BCAS3: variants seen among roughly 807,000 people sequenced by gnomAD.
The protein encoded by BCAS3 is BCAS3 microtubule associated cell migration factor.
In BCAS3, 53 loss-of-function variants were observed where a neutral mutation model predicts 116.1. The observed-to-expected ratio is 0.46, with a 90% CI of 0.37 to 0.57. The LOEUF (loss-of-function observed/expected upper bound fraction) is 0.57, where lower values mean the gene tolerates loss of function less well. Ranked by LOEUF, BCAS3 falls within the 20% of genes least tolerant of loss-of-function variation. The pLI is 0.00. For synonymous variants in BCAS3, 391 were observed against 408.2 expected, an observed-to-expected ratio of 0.96 and a Z score of 0.51; for missense variants, 917 against 1,165.4, an observed-to-expected ratio of 0.79 and a Z score of 3.10.
At chr17:60,773,740 C>A (rs2044984461) in intron 6 of BCAS3, among the ~76,000 whole-genome samples, 1 of 152,168 alleles carries the variant, frequency 6.6e-6, no homozygotes, top group Non-Finnish European at 1.5e-5. Context: ...CTCTGCCTCC[C>A]AGGGTCACGT....
In BCAS3 at chr17:61,273,589, C is replaced by G. The variant is rs762506860; in HGVS notation, c.2426-94738C>G. ...TTATAGTTTGTTGAGTTTCTTGGTT[C>G]TATGAGTTTATCATTTTTATCAAAT... On this transcript the variant is annotated intron_variant, in intron 22 of 23. Transcript: ENST00000407086. Among the ~76,000 whole-genome samples, 14 of 151,796 alleles carry G rather than the reference C, an allele frequency of 9.2e-5. 1 individual carries two copies. Among genetic ancestry groups the G allele is most frequent in the East Asian group, 3.9e-4 (2 of 5,178 alleles).
At chr17:60,892,040 A>G (rs547318907) in intron 10 of BCAS3, among the ~76,000 whole-genome samples, 6 of 152,278 alleles carry the variant, frequency 3.9e-5, no homozygotes, top group South Asian at 2.1e-4. Context: ...TCTTTATTCA[A>G]ATAATCAGCT....
chr17:60,682,768 C>T (rs1268716724), intron 2 of BCAS3, among the ~76,000 whole-genome samples: 13 of 152,132 alleles, frequency 8.5e-5, no homozygotes, highest in South Asian at 2.1e-4. Context: ...GTGATCCACT[C>T]GCCTCGGCCT....
intron 22 of BCAS3, among the ~76,000 whole-genome samples, chr17:61,142,861 TAATAA>T (rs1383917929): frequency 2.0e-5 from 3 of 152,214 alleles, no homozygotes; most frequent in African/African-American, 7.2e-5. Context: ...AAATTCTCCA[TAATAA>T]AATGTTTTTA....
rs1449242716 is a variant in BCAS3 at position 61,259,230 on chromosome 17, T to A, written c.2426-109097T>A. 6.6e-6 allele frequency among the ~76,000 whole-genome samples: 1 copy of A among 152,204 alleles called. No homozygotes were observed. Among genetic ancestry groups the A allele is most frequent in the East Asian group, 1.9e-4 (1 of 5,200 alleles). On this transcript the variant is annotated intron_variant, in intron 22 of 23. Transcript: ENST00000407086. This position sits in a 1 kb window ranked among gnomAD's most constrained non-coding sequence, Gnocchi z 4.7. The stretch of plus-strand genomic sequence containing the variant: ...CATTACTTGTATTTACATTTTTATT[T>A]TGAAAGAGCATGGGGAGTGTAAGCA...
intron 22 of BCAS3, among the ~76,000 whole-genome samples, chr17:61,280,923 C>T (rs2051188163): frequency 6.6e-6 from 1 of 152,188 alleles, no homozygotes; most frequent in Non-Finnish European, 1.5e-5. Context: ...TGTATTCCCG[C>T]AGTATCTAAG....
intron 19 of BCAS3, among the ~76,000 whole-genome samples, chr17:61,067,587 G>A (rs949354391): frequency 6.0e-5 from 9 of 149,766 alleles, no homozygotes; most frequent in African/African-American, 1.7e-4. Context: ...TGTGTGGTGC[G>A]CACCTGTAAT....
At chr17:60,925,778 G>T (rs1242510950) in intron 13 of BCAS3, among the ~76,000 whole-genome samples, 1 of 151,932 alleles carries the variant, frequency 6.6e-6, no homozygotes, top group East Asian at 1.9e-4. Context: ...ACTTCCAGTG[G>T]TAGGAAACAA....
intron 4 of BCAS3, among the ~76,000 whole-genome samples, chr17:60,702,265 G>C (rs186889385): frequency 6.6e-6 from 1 of 152,178 alleles, no homozygotes; most frequent in South Asian, 2.1e-4. Flanking sequence ...CAAGAATTGC[G>C]AGTATTCGCT....
intron 10 of BCAS3, chr17:60,900,270 C>T (rs956794496): frequency 6.6e-6 from 1 of 151,942 alleles, no homozygotes; most frequent in East Asian, 1.9e-4. Flanking sequence ...GTGTATAGGA[C>T]CCAGTACAAG....
chr17:61,140,837 T>A lies in BCAS3; in HGVS notation c.2425+56273T>A, dbSNP rs1051649147. On this transcript the variant is annotated intron_variant, in intron 22 of 23. Transcript: ENST00000407086. The surrounding 1 kb of genome is among the most constrained non-coding windows in gnomAD (Gnocchi z 4.2). ...ACATTACAGATTGTAATGTAGTGGA[T>A]TGATGGTACATGATTTAAGGGAAAT... Among the ~76,000 whole-genome samples the A allele has an allele frequency of 5.9e-5, 9 of 152,202 alleles. 1 individual carries two copies. Among genetic ancestry groups the A allele is most frequent in the South Asian group, 2.1e-4 (1 of 4,822 alleles).
chr17:61,176,276 A>G (rs1055420098), intron 22 of BCAS3, among the ~76,000 whole-genome samples: 1 of 149,222 alleles, frequency 6.7e-6, no homozygotes, highest in Admixed American at 6.7e-5. Flanking sequence ...TATATTATAT[A>G]TGTATTTAAT....
intron 7 of BCAS3, among the ~76,000 whole-genome samples, chr17:60,863,933 G>A (rs754688365): frequency 6.6e-6 from 1 of 152,106 alleles, no homozygotes; most frequent in African/African-American, 2.4e-5. Flanking sequence ...CCCCTTACGG[G>A]GCTCTTTCCT....
chr17:61,038,737 C>T (rs2067264237), intron 18 of BCAS3, among the ~76,000 whole-genome samples: 1 of 143,122 alleles, frequency 7.0e-6, no homozygotes, highest in Non-Finnish European at 1.5e-5. Flanking sequence ...GGCACGATCT[C>T]AGCTCACTGC....
At chr17:60,844,199 A>T (rs1455231280) in intron 7 of BCAS3, among the ~76,000 whole-genome samples, 1 of 151,960 alleles carries the variant, frequency 6.6e-6, no homozygotes. Context: ...CGAACTCCTG[A>T]CCTCAGCTGA....
At chr17:60,879,923 T>A (rs1418100960) in intron 9 of BCAS3, among the ~76,000 whole-genome samples, 1 of 152,202 alleles carries the variant, frequency 6.6e-6, no homozygotes, top group Non-Finnish European at 1.5e-5. Context: ...TTAGTGTGAG[T>A]TCTAAGTTCA....
intron 5 of BCAS3, among the ~76,000 whole-genome samples, chr17:60,718,817 T>C (rs1015004950): frequency 3.9e-5 from 6 of 152,194 alleles, no homozygotes; most frequent in African/African-American, 1.4e-4. Flanking sequence ...ATCTCAGCAC[T>C]TTGGGAGGCC....
At chr17:60,843,374 G>A (rs1418159765) in intron 7 of BCAS3, among the ~76,000 whole-genome samples, 3 of 151,496 alleles carry the variant, frequency 2.0e-5, no homozygotes, top group East Asian at 1.9e-4. Flanking sequence ...ACACCACCAC[G>A]CCTGAGCTAA....
chr17:61,022,800 C>T (rs556969377), intron 16 of BCAS3, among the ~76,000 whole-genome samples: 1 of 152,108 alleles, frequency 6.6e-6, no homozygotes, highest in East Asian at 1.9e-4. Context: ...TCACCGCACC[C>T]GGCTGATTTT....
Sources: gnomAD v4.1 joint callset for allele counts (sites outside exome capture counted in the v4.1 genomes callset) on GRCh38, gnomAD v4.1.1 for gene constraint, Gnocchi (gnomAD v3.1) non-coding constraint, MANE v1.5 for transcripts, NCBI Gene and HGNC (gene_info 2026-07-23, HGNC 2026-07-21) for gene names.